The following DCAF15 variants were observed in gnomAD, a reference collection of about 807,000 sequenced individuals.
The protein encoded by DCAF15 is DDB1- and CUL4-associated factor 15.
Under a neutral mutation model 68.0 loss-of-function variants are expected in DCAF15, and 24 were observed. The ratio of observed to expected loss-of-function variants is 0.35; its 90% CI spans 0.26 to 0.50. The LOEUF (loss-of-function observed/expected upper bound fraction) is 0.50. Among genes scored for constraint, DCAF15 ranks in the 20% least tolerant of loss-of-function variants. The probability of loss-of-function intolerance (pLI) is 0.98; values close to 1 mark genes in which losing one functional copy is unlikely to be tolerated. For missense variants in DCAF15, 627 were observed against 830.6 expected, an observed-to-expected ratio of 0.75 and a Z score of 3.01; for synonymous variants, 376 against 341.6, an observed-to-expected ratio of 1.10 and a Z score of -1.11.
chr19:13,956,602 C>T, intron 6 of DCAF15, 80 bp downstream of exon 6: 3 of 1,514,912 alleles, frequency 2.0e-6, no homozygotes, highest in South Asian at 1.2e-5. Context: ...ACAAGGGGCC[C>T]CAGGCGTAGA....
intron 6 of DCAF15, among the ~76,000 whole-genome samples, chr19:13,957,274 A>T (rs1973402981): frequency 6.6e-6 from 1 of 152,210 alleles, no homozygotes; most frequent in African/African-American, 2.4e-5. Context: ...AGGCTGGATC[A>T]TGCCACCGGC....
Position 13,959,811 on chromosome 19 carries a change from T to C in DCAF15, c.1356T>C (p.Tyr452=). The change falls in exon 9 of 13, where the codon TAT becomes TAC. Residue 452 remains tyrosine (Y), a synonymous_variant. Coordinates refer to ENST00000254337, the MANE Select transcript of DCAF15 (RefSeq NM_138353.4). ...AGCAGCTCACACTAGACTTCGAATATGTTATCAATGAGGTCATCCGCCACG... is the reference window on the plus strand; with the variant it reads ...AGCAGCTCACACTAGACTTCGAATACGTTATCAATGAGGTCATCCGCCACG... ...TVEQLTLDFE[Y]VINEVIRHDA... 1 of 1,603,190 alleles carries C rather than the reference T, an allele frequency of 6.2e-7. No homozygotes were observed. Among genetic ancestry groups the C allele is most frequent in the Non-Finnish European group, 8.5e-7 (1 of 1,174,858 alleles).
rs1251445798 is a variant in DCAF15, at chr19:13,959,492, C to A, written c.1219+13C>A. Reference sequence around the variant, plus strand: ...GAGCCGGAGGATGGTGAGCGGGGGGCAGGCATGTGACAGGGCCTGGGATGG... The same window carrying A: ...GAGCCGGAGGATGGTGAGCGGGGGGAAGGCATGTGACAGGGCCTGGGATGG... On this transcript the variant is annotated intron_variant, in intron 7 of 12. Coordinates refer to ENST00000254337, the MANE Select transcript of DCAF15 (RefSeq NM_138353.4). 2 of 1,608,490 alleles carry A rather than the reference C, an allele frequency of 1.2e-6. No homozygotes were observed. The highest frequency in any genetic ancestry group is 2.7e-5 in the African/African-American group (2 of 74,782).
At chr19:13,960,136 G>C (rs1037571986) in intron 10 of DCAF15, 67 bp downstream of exon 10, 1 of 1,592,550 alleles carries the variant, frequency 6.3e-7, no homozygotes, top group Non-Finnish European at 8.6e-7. Flanking sequence ...CACGGTGGGG[G>C]TGTGGGGACG....
intron 2 of DCAF15, 33 bp downstream of exon 2, chr19:13,954,470 G>A: frequency 6.2e-7 from 1 of 1,614,002 alleles, no homozygotes; most frequent in Non-Finnish European, 8.5e-7. Flanking sequence ...GGGGCAGGTG[G>A]GCGGGAGTGG....
At chr19:13,954,852 T>C (rs1415805983) in intron 3 of DCAF15, among the ~76,000 whole-genome samples, 191 bp downstream of exon 3, 1 of 152,132 alleles carries the variant, frequency 6.6e-6, no homozygotes, top group Non-Finnish European at 1.5e-5. Context: ...ACACCTGTAA[T>C]CCCAGCACTT....
intron 1 of DCAF15, 56 bp downstream of exon 1, chr19:13,952,700 G>A: frequency 7.7e-7 from 1 of 1,302,194 alleles, no homozygotes; most frequent in South Asian, 2.3e-5. Flanking sequence ...TAGGGACGAG[G>A]GAGGCGGAGG....
chr19:13,958,683 A>G (rs1371483095), intron 6 of DCAF15, among the ~76,000 whole-genome samples: 1 of 152,056 alleles, frequency 6.6e-6, no homozygotes, highest in African/African-American at 2.4e-5. Context: ...AAATCACAAG[A>G]TGTCCCTCGA....
intron 6 of DCAF15, among the ~76,000 whole-genome samples, chr19:13,957,366 C>T (rs1164312396): frequency 6.6e-6 from 1 of 152,112 alleles, no homozygotes; most frequent in African/African-American, 2.4e-5. Context: ...GCCCTGTGCC[C>T]GGGTCTCTCC....
intron 6 of DCAF15, among the ~76,000 whole-genome samples, chr19:13,957,546 T>C (rs1368049321): frequency 2.6e-5 from 4 of 152,188 alleles, no homozygotes; most frequent in Non-Finnish European, 5.9e-5. Context: ...ATGGAGCATG[T>C]GTCAGATGCG....
chr19:13,960,808 AGAGGTG>A, intron 12 of DCAF15, 126 bp from the exon 13 acceptor site: 2 of 1,157,042 alleles, frequency 1.7e-6, no homozygotes, highest in Non-Finnish European at 2.5e-6. Context: ...GCTGCAGGCT[AGAGGTG>A]GAGGGCAACT....
rs117206519 is a variant in DCAF15 at position 13,960,043 on chromosome 19, G to T, written c.1500G>T (p.Pro500=). ...TTGGCCTGCTGCTCCTGGCCTTCCC[G>T]TCCCCCACTGAGGAGGGCCAGCTCC... The part of the protein sequence containing the change: ...INIGLLLLAF[P]SPTEEGQLRP... Residue 500 remains proline (P), a synonymous_variant, in exon 10 of 13, where the codon CCG becomes CCT. Transcript: ENST00000254337. The T allele has an allele frequency of 3.7e-6, 6 of 1,613,690 alleles. No homozygotes were observed. Among genetic ancestry groups the T allele is most frequent in the Non-Finnish European group, 5.1e-6 (6 of 1,179,988 alleles).
In DCAF15 at chr19:13,959,269, G is replaced by A. The variant is rs369772382; in HGVS notation, c.1009G>A (p.Gly337Arg). The A allele has an allele frequency of 2.1e-5, 34 of 1,611,584 alleles. No individual in the cohort carries two copies. The highest frequency in any genetic ancestry group is 2.7e-5 in the Non-Finnish European group (32 of 1,179,868). The change falls in exon 7 of 13, where the codon GGG becomes AGG. Residue 337 changes from glycine (G) to arginine (R), a missense_variant. Around this residue, in one of 3 missense-constraint regions of DCAF15, gnomAD observed 236 missense variants for 225.1 expected, o/e 1.05. Coordinates refer to ENST00000254337, the MANE Select transcript of DCAF15 (RefSeq NM_138353.4). The part of the protein sequence containing the change: ...IFRRAKEAKG[G>R]VPEEARPALC... ...CCGCCGGGCCAAAGAGGCCAAGGGC[G>A]GGGTCCCTGAGGAAGCCCGGCCTGC...
chr19:13,959,743 C>T, intron 8 of DCAF15, 24 bp from the exon 9 acceptor site: 5 of 1,613,386 alleles, frequency 3.1e-6, no homozygotes, highest in Non-Finnish European at 4.2e-6. Context: ...GCACCGTCCC[C>T]TGCGCCTACC....
intron 12 of DCAF15, 74 bp downstream of exon 12, chr19:13,960,654 C>A: frequency 7.2e-7 from 1 of 1,385,528 alleles, no homozygotes; most frequent in Non-Finnish European, 9.9e-7. Flanking sequence ...GATTCCTGAG[C>A]GCTGATGAAA....
At chr19:13,958,760 T>C (rs1027801037) in intron 6 of DCAF15, among the ~76,000 whole-genome samples, 2 of 152,120 alleles carry the variant, frequency 1.3e-5, no homozygotes, top group African/African-American at 4.8e-5. Flanking sequence ...GAGTGTTGTC[T>C]CCCTCAGGGC....
chr19:13,959,699 A>C, intron 8 of DCAF15, 26 bp downstream of exon 8: 1 of 1,612,898 alleles, frequency 6.2e-7, no homozygotes, highest in Non-Finnish European at 8.5e-7. Flanking sequence ...GGGCGGGCCA[A>C]GGACAGTCCC....
rs199786973 is a variant in DCAF15 at position 13,955,990 on chromosome 19, G to A, written c.445G>A (p.Ala149Thr). ...GACCGTATGCGAGTGGCCCAGCGAC[G>A]CCTCCAAGGTCATCGTCTTCGGCTT... ...YLTVCEWPSD[A>T]SKVIVFGFNT... is the part of the protein sequence containing the mutation. The change falls in exon 4 of 13, where the codon GCC becomes ACC. Residue 149 changes from alanine to threonine, a missense_variant. Ala to Thr is a moderately conservative substitution (Grantham distance 58). Transcript: ENST00000254337. The A allele has an allele frequency of 1.5e-4, 234 of 1,613,662 alleles. No individual in the cohort carries two copies. The highest frequency in any genetic ancestry group is 2.0e-4 in the East Asian group (9 of 44,870).
In DCAF15 at chr19:13,959,824, G is replaced by A; in HGVS notation, c.1369G>A (p.Val457Ile). ...TLDFEYVINE[V>I]IRHDATWGHQ... The stretch of plus-strand genomic sequence containing the variant: ...AGACTTCGAATATGTTATCAATGAG[G>A]TCATCCGCCACGACGCTACCTGGGG... Residue 457 changes from valine (V) to isoleucine (I), a missense_variant, in exon 9 of 13, where the codon GTC becomes ATC. Val to Ile is a conservative substitution (Grantham distance 29, BLOSUM62 3). Around this residue, in one of 3 missense-constraint regions of DCAF15, gnomAD observed 118 missense variants for 211.8 expected, o/e 0.56. Coordinates refer to ENST00000254337, the MANE Select transcript of DCAF15 (RefSeq NM_138353.4). 1 of 1,608,088 alleles carries A rather than the reference G, an allele frequency of 6.2e-7. No individual in the cohort carries two copies. The highest frequency in any genetic ancestry group is 8.5e-7 in the Non-Finnish European group (1 of 1,178,990).
Sources: allele counts gnomAD v4.1 joint callset (sites outside exome capture counted in the v4.1 genomes callset), GRCh38; gene constraint gnomAD v4.1.1; regional missense constraint gnomAD v4.1.1; transcripts MANE v1.5; gene names NCBI Gene and HGNC (gene_info 2026-07-23, HGNC 2026-07-21).